Variants in FSD1 observed in about 807,000 individuals in gnomAD.
FSD1 encodes the protein fibronectin type III and SPRY domain-containing protein 1.
In FSD1, 23 loss-of-function variants were observed where a neutral mutation model predicts 58.2. The ratio of observed to expected loss-of-function variants is 0.40; its 90% CI spans 0.28 to 0.56. FSD1 has a LOEUF of 0.56. Ranked by LOEUF, FSD1 falls within the 20% of genes least tolerant of loss-of-function variation. The pLI is 0.54. For synonymous variants in FSD1, 265 were observed against 263.4 expected (o/e 1.01, Z -0.06); for missense variants, 563 against 670.8 (o/e 0.84, Z 1.78).
At chr19:4,314,630 G>A (rs894248008) in intron 7 of FSD1, among the ~76,000 whole-genome samples, 6 of 152,166 alleles carry the variant, frequency 3.9e-5, no homozygotes, top group Non-Finnish European at 7.4e-5. Context: ...GGGATTACAG[G>A]CGCCCACCAC....
At chr19:4,309,257 GAAAA>G (rs201237226) in intron 4 of FSD1, among the ~76,000 whole-genome samples, 1 of 149,816 alleles carries the variant, frequency 6.7e-6, no homozygotes, top group African/African-American at 2.5e-5. Flanking sequence ...CAAAAAAAAA[GAAAA>G]AAAAAGTATT....
rs936367611 is a variant in FSD1, at chr19:4,305,880, G to A, written c.16-66G>A. 17 of 1,148,764 alleles carry A rather than the reference G, an allele frequency of 1.5e-5. No individual in the cohort carries two copies. In the African/African-American group the frequency reaches 2.1e-4, roughly 14 times the overall value. 71.2% of individuals were successfully genotyped at this position (1,148,764 alleles called of 1,614,324 possible). On this transcript the variant is annotated intron_variant, in intron 1 of 12. Transcript: ENST00000221856. ...TGCACGTGTGTACATGTGCGTACAC[G>A]TGTGTGTACCTGTGTGCGCACATGT...
In FSD1 at chr19:4,305,149, A is replaced by G. The variant is rs1433530412; in HGVS notation, c.15+388A>G. Reference sequence around the variant, plus strand: ...CGACCCTGCCCCAGGAAAAAGGAGCAGGTTGGAGCCTGGGTCAGAGCAAGA... The same window carrying G: ...CGACCCTGCCCCAGGAAAAAGGAGCGGGTTGGAGCCTGGGTCAGAGCAAGA... On this transcript the variant is annotated intron_variant, in intron 1 of 12. Transcript: ENST00000221856. Among the ~76,000 whole-genome samples the G allele has an allele frequency of 2.9e-5, 4 of 139,390 alleles. No homozygotes were observed. In the East Asian group the frequency reaches 8.7e-4, roughly 30 times the overall value. The allele number at this position is 139,390 out of a possible 152,430, so 91.4% of individuals were successfully genotyped here. A position where few individuals can be genotyped will look rare whatever the true frequency, so the allele number is the denominator to read the frequency against.
chr19:4,314,190 C>T (rs1010081742), intron 7 of FSD1, among the ~76,000 whole-genome samples: 2 of 152,112 alleles, frequency 1.3e-5, no homozygotes, highest in African/African-American at 4.8e-5. Context: ...ATCATGAGCA[C>T]GCTAACTGCA....
At chr19:4,305,883 T>C (rs1367855182) in intron 1 of FSD1, 63 bp from the exon 2 acceptor site, 12 of 1,192,532 alleles carry the variant, frequency 1.0e-5, no homozygotes, top group African/African-American at 1.5e-5. Flanking sequence ...CGTACACGTG[T>C]GTGTACCTGT....
intron 10 of FSD1, among the ~76,000 whole-genome samples, 179 bp from the exon 11 acceptor site, chr19:4,322,807 A>C (rs73919835): frequency 1.3e-5 from 2 of 151,078 alleles, no homozygotes; most frequent in African/African-American, 4.9e-5. Context: ...GGGGTACCTG[A>C]GGGGAATAGC....
chr19:4,323,494 G>T lies in FSD1; in HGVS notation c.1381-39G>T. 6.3e-7 allele frequency: 1 copy of T among 1,587,444 alleles called. No individual in the cohort carries two copies. The highest frequency in any genetic ancestry group is 8.6e-7 in the Non-Finnish European group (1 of 1,157,490). ...AGGGTGGTGCTGGGCGCTGGGGTTT[G>T]AAGCTGAGCCCCTCCCCCCTCCCCC... is the stretch of plus-strand genomic sequence containing the variant. On this transcript the variant is annotated intron_variant, in intron 12 of 12. Transcript: ENST00000221856. This position sits in a 1 kb window ranked among gnomAD's most constrained non-coding sequence, Gnocchi z 7.7.
At chr19:4,306,469 T>C in intron 3 of FSD1, 140 bp downstream of exon 3, 1 of 715,222 alleles carries the variant, frequency 1.4e-6, no homozygotes. Context: ...CTGTACACTC[T>C]CTCTTTTTTT....
In FSD1 at chr19:4,306,332, G is replaced by A. The variant is rs1006986988; in HGVS notation, c.243+3G>A. On this transcript the variant is annotated splice_donor_region_variant and intron_variant, in intron 3 of 12. Coordinates refer to ENST00000221856, the MANE Select transcript of FSD1 (RefSeq NM_024333.3). The stretch of plus-strand genomic sequence containing the variant: ...CCAGCCGTACCTACGAGCTGCAGGT[G>A]AGGGCTGAGGGCATCTTCCTCTCCC... 3 of 1,613,254 alleles carry A rather than the reference G, an allele frequency of 1.9e-6. No individual in the cohort carries two copies. The highest frequency in any genetic ancestry group is 1.3e-5 in the African/African-American group (1 of 74,894).
Position 4,310,485 on chromosome 19 carries a change from G to A in FSD1, c.379G>A (p.Ala127Thr), listed in dbSNP as rs145281893. The change falls in exon 6 of 13, where the codon GCC becomes ACC. Residue 127 changes from alanine (A) to threonine (T), a missense_variant. Physicochemically the swap from Ala to Thr is moderately conservative, Grantham distance 58. Transcript: ENST00000221856. ...AKQIKDGVTM[A>T]PAFRLSLKAK... Reference sequence around the variant, plus strand: ...ACCTCCTTCCTGCAGAGTGACCATGGCCCCTGCCTTCCGGCTATCATTGAA... The same window carrying A: ...ACCTCCTTCCTGCAGAGTGACCATGACCCCTGCCTTCCGGCTATCATTGAA... The A allele has an allele frequency of 3.2e-5, 52 of 1,612,658 alleles. No homozygotes were observed. The African/African-American group carries it at 6.4e-4, about 20-fold the overall frequency.
At chr19:4,309,683 G>A (rs1019636942) in intron 4 of FSD1, among the ~76,000 whole-genome samples, 3 of 152,056 alleles carry the variant, frequency 2.0e-5, no homozygotes, top group Non-Finnish European at 4.4e-5. Context: ...GCTGAGGCGG[G>A]CCGATCATGA....
chr19:4,314,153 G>A (rs1215062585), intron 7 of FSD1, among the ~76,000 whole-genome samples: 1 of 152,206 alleles, frequency 6.6e-6, no homozygotes, highest in African/African-American at 2.4e-5. Flanking sequence ...CAGCCAGCTA[G>A]TTATCTGTAA....
intron 3 of FSD1, 143 bp downstream of exon 3, chr19:4,306,472 CTT>C (rs372460832): frequency 1.6e-3 from 906 of 570,354 alleles, no homozygotes; most frequent in South Asian, 2.2e-3. Context: ...TACACTCTCT[CTT>C]TTTTTTTTTT....
At chr19:4,317,045 G>T in intron 7 of FSD1, 137 bp from the exon 8 acceptor site, 2 of 610,054 alleles carry the variant, frequency 3.3e-6, no homozygotes, top group South Asian at 1.7e-5. Flanking sequence ...GAGCCAGTGC[G>T]CCCGGCTGGA....
chr19:4,314,730 G>A (rs921911346), intron 7 of FSD1, among the ~76,000 whole-genome samples: 2 of 152,198 alleles, frequency 1.3e-5, no homozygotes, highest in African/African-American at 2.4e-5. Context: ...CAGGTGATCC[G>A]CCTGCCTCGG....
chr19:4,306,736 G>A (rs186412065), intron 3 of FSD1, among the ~76,000 whole-genome samples: 2,375 of 145,114 alleles, frequency 0.016, 28 homozygotes, highest in South Asian at 0.063. Flanking sequence ...TGACAGGCAT[G>A]AGCCCCCGCG....
In FSD1 at chr19:4,321,713, C is replaced by T. The variant is rs542962447; in HGVS notation, c.1040-1273C>T. ...GGACCCAAGTATTTGGAGGGAATAA[C>T]TGGAGTCCAAGGAGTATCTGGGGGG... On this transcript the variant is annotated intron_variant, in intron 10 of 12. Transcript: ENST00000221856. Among the ~76,000 whole-genome samples, 3 of 147,210 alleles carry T rather than the reference C, an allele frequency of 2.0e-5. No individual in the cohort carries two copies. The East Asian group carries it at 6.3e-4, about 31-fold the overall frequency.
rs1395197375 is a variant in FSD1, at chr19:4,317,418, T to G, written c.799+138T>G. 3 of 621,222 alleles carry G rather than the reference T, an allele frequency of 4.8e-6. No homozygotes were observed. The African/African-American group carries it at 5.5e-5, about 11-fold the overall frequency. The allele number at this position is 621,222 out of a possible 1,614,324, so 38.5% of individuals were successfully genotyped here. A position where few individuals can be genotyped will look rare whatever the true frequency, so the allele number is the denominator to read the frequency against. On this transcript the variant is annotated intron_variant, in intron 8 of 12. Transcript: ENST00000221856. The stretch of plus-strand genomic sequence containing the variant: ...AAAGCTCCGTCCACAGTTGGCTTCC[T>G]TAGCCTGAGTGTCTGCTATAACCCT...
At chr19:4,310,772 G>A (rs181665994) in intron 6 of FSD1, 176 bp downstream of exon 6, 418 of 649,842 alleles carry the variant, frequency 6.4e-4, no homozygotes, top group Middle Eastern at 1.3e-3. Flanking sequence ...ATGGAGCCCC[G>A]CCCCTGGGTG....
Sources: allele counts gnomAD v4.1 joint callset (sites outside exome capture counted in the v4.1 genomes callset), GRCh38; gene constraint gnomAD v4.1.1; non-coding constraint Gnocchi (gnomAD v3.1); transcripts MANE v1.5; gene names NCBI Gene and HGNC (gene_info 2026-07-23, HGNC 2026-07-21).